Variants in HEATR4 observed in about 807,000 individuals in gnomAD.
The protein encoded by HEATR4 is HEAT repeat-containing protein 4.
Under a neutral mutation model 108.8 loss-of-function variants are expected in HEATR4, and 95 were observed. The observed-to-expected ratio is 0.87, with a 90% CI of 0.74 to 1.04. The LOEUF (loss-of-function observed/expected upper bound fraction) is 1.04. Ranked by LOEUF, HEATR4 falls within the 50% of genes least tolerant of loss-of-function variation. The pLI is 0.00. For missense variants in HEATR4, 1,152 were observed against 1,253.8 expected, an observed-to-expected ratio of 0.92 and a Z score of 1.23; for synonymous variants, 443 against 459.4, an observed-to-expected ratio of 0.96 and a Z score of 0.46.
At chr14:73,542,432 T>C (rs1296420871) in intron 1 of HEATR4, among the ~76,000 whole-genome samples, 1 of 96,844 alleles carries the variant, frequency 1.0e-5, no homozygotes, top group African/African-American at 3.6e-5. Flanking sequence ...TAAGACGGAG[T>C]CTTGCCGTGT....
upstream of HEATR4, among the ~76,000 whole-genome samples, chr14:73,559,747 G>C: frequency 6.6e-6 from 1 of 151,846 alleles, no homozygotes; most frequent in African/African-American, 2.4e-5. Context: ...AGTCTCAAAA[G>C]ATAAAAATAA....
chr14:73,559,156 G>C (rs947016987), upstream of HEATR4, among the ~76,000 whole-genome samples: 2 of 151,650 alleles, frequency 1.3e-5, no homozygotes, highest in African/African-American at 4.8e-5. Context: ...TCTTTTTTGA[G>C]ACAGTCTCAC....
rs1306348907 is a variant in HEATR4 at position 73,509,810 on chromosome 14, CCATATATATATATATATATA to C, written c.1559-357_1559-338del. Among the ~76,000 whole-genome samples, 261 of 63,194 alleles carry C rather than the reference CCATATATATATATATATATA, an allele frequency of 4.1e-3. 31 individuals carry two copies. Among genetic ancestry groups the C allele is most frequent in the East Asian group, 0.016 (33 of 2,084 alleles). The allele number at this position is 63,194 out of a possible 152,430, so 41.5% of individuals were successfully genotyped here. ...AAAGCAACCAATTTGCCCCATGAGCCCATATATATATATATATATATATATATATATATATATATATATAT... is the reference window on the plus strand; with the variant it reads ...AAAGCAACCAATTTGCCCCATGAGCCTATATATATATATATATATATATAT... On this transcript the variant is annotated intron_variant, in intron 7 of 17. Transcript: ENST00000553558.
chr14:73,525,093 G>C (rs527568091), intron 2 of HEATR4, among the ~76,000 whole-genome samples: 16 of 152,102 alleles, frequency 1.1e-4, no homozygotes, highest in Non-Finnish European at 1.9e-4. Flanking sequence ...GCACTGGCAC[G>C]ATCATAGCTC....
the HEATR4 span, among the ~76,000 whole-genome samples, chr14:73,617,628 G>A: frequency 2.0e-5 from 3 of 152,106 alleles, no homozygotes; most frequent in African/African-American, 7.2e-5. Context: ...TCTGAATAAG[G>A]CAGTTACTCT....
At chr14:73,518,695 ATGCACTTTCCCTGTTAGG>A (rs1355102551) in intron 5 of HEATR4, among the ~76,000 whole-genome samples, 1 of 152,100 alleles carries the variant, frequency 6.6e-6, no homozygotes, top group Admixed American at 6.6e-5. Flanking sequence ...CAGGAGTTTG[ATGCACTTTCCCTGTTAGG>A]TGCACTTTCC....
At position 73,539,728 on chromosome 14, in the gene HEATR4, G is replaced by A. The variant is rs1889012194; in HGVS notation, c.-151-9484C>T. 1.7e-5 allele frequency: 2 copies of A among 118,972 alleles called. 1 individual carries two copies. Among genetic ancestry groups the A allele is most frequent in the Non-Finnish European group, 3.7e-5 (2 of 54,334 alleles). The allele number at this position is 118,972 out of a possible 1,614,324, so 7.4% of individuals were successfully genotyped here. A position where few individuals can be genotyped will look rare whatever the true frequency, so the allele number is the denominator to read the frequency against. Reference sequence around the variant, plus strand: ...GCTGAAGCCCCACAGGATGCCGTCTGGAAGCTGCCAGCACGCGGTCCCTGT... The same window carrying A: ...GCTGAAGCCCCACAGGATGCCGTCTAGAAGCTGCCAGCACGCGGTCCCTGT... On this transcript the variant is annotated intron_variant, in intron 1 of 17. Coordinates refer to ENST00000553558, the MANE Select transcript of HEATR4 (RefSeq NM_001220484.1).
intron 16 of HEATR4, 47 bp from the exon 17 acceptor site, chr14:73,493,171 T>G: frequency 6.6e-7 from 1 of 1,515,316 alleles, no homozygotes; most frequent in Non-Finnish European, 9.2e-7. Flanking sequence ...AAAAAAACCC[T>G]TGATCCGTGA....
the HEATR4 span, chr14:73,595,806 T>C: frequency 1.1e-6 from 1 of 940,920 alleles, no homozygotes; most frequent in Non-Finnish European, 1.5e-6. Context: ...AGCTTTGTCG[T>C]TAGTTTTACT....
chr14:73,510,592 C>T (rs535182316), intron 7 of HEATR4, among the ~76,000 whole-genome samples: 4 of 152,206 alleles, frequency 2.6e-5, no homozygotes, highest in Admixed American at 6.5e-5. Flanking sequence ...CCTGTCACCA[C>T]GCCTGGCTAA....
the HEATR4 span, among the ~76,000 whole-genome samples, chr14:73,585,820 CTTTTT>C: frequency 8.7e-6 from 1 of 115,570 alleles, no homozygotes; most frequent in African/African-American, 3.9e-5. Context: ...TTGTCTTTTT[CTTTTT>C]TTTTTTTTTT....
chr14:73,601,781 G>C, the HEATR4 span, among the ~76,000 whole-genome samples: 6,639 of 152,122 alleles, frequency 0.044, 178 homozygotes, highest in Middle Eastern at 0.075. Flanking sequence ...CTCTAATTTA[G>C]GTGCATAGCA....
At chr14:73,592,384 G>T in the HEATR4 span, 3 of 1,554,100 alleles carry the variant, frequency 1.9e-6, no homozygotes, top group Non-Finnish European at 2.6e-6. Flanking sequence ...GTGCGAGCGG[G>T]CCGGGTGCGC....
chr14:73,579,294 A>C, the HEATR4 span, among the ~76,000 whole-genome samples: 6 of 95,044 alleles, frequency 6.3e-5, no homozygotes, highest in South Asian at 7.1e-4. Flanking sequence ...AAAAAAAAAA[A>C]CGCTGGGTGT....
the HEATR4 span, among the ~76,000 whole-genome samples, chr14:73,598,147 G>T: frequency 6.7e-6 from 1 of 148,462 alleles, no homozygotes; most frequent in Non-Finnish European, 1.5e-5. Flanking sequence ...GCCGAGGTGG[G>T]CGGATCATGA....
At position 73,546,575 on chromosome 14, in the gene HEATR4, C is replaced by G. The variant is rs138205601; in HGVS notation, c.-152+12176G>C. On this transcript the variant is annotated intron_variant, in intron 1 of 17. Transcript: ENST00000553558. ...ACAAGGTTTCACCATGTTGTCCAGG[C>G]TGGTCTCAAAACTCCTGGGCTCAAG... 6.4e-3 allele frequency among the ~76,000 whole-genome samples: 727 copies of G among 113,880 alleles called. 167 individuals are homozygous for G. Among genetic ancestry groups the G allele is most frequent in the African/African-American group, 0.019 (664 of 35,286 alleles). The allele number at this position is 113,880 out of a possible 152,430, so 74.7% of individuals were successfully genotyped here. A position where few individuals can be genotyped will look rare whatever the true frequency, so the allele number is the denominator to read the frequency against.
At position 73,498,974 on chromosome 14, in the gene HEATR4, G is replaced by A. The variant is rs7142466; in HGVS notation, c.2356+97C>T. On this transcript the variant is annotated intron_variant, in intron 13 of 17. Transcript: ENST00000553558. ...AAAAGCTAAGATCATTACCTCTCCT[G>A]CACTTCACCCCATTAGAGAGTTTCA... The A allele has an allele frequency of 3.8e-4, 381 of 993,744 alleles. 1 individual carries two copies. In the African/African-American group the frequency reaches 5.2e-3, roughly 14 times the overall value. 61.6% of individuals were successfully genotyped at this position (993,744 alleles called of 1,614,324 possible).
the HEATR4 span, among the ~76,000 whole-genome samples, chr14:73,579,701 A>T: frequency 2.6e-5 from 4 of 151,724 alleles, no homozygotes; most frequent in Admixed American, 2.0e-4. Flanking sequence ...TTACAGGCAT[A>T]CACCACTGCA....
the HEATR4 span, among the ~76,000 whole-genome samples, chr14:73,587,242 G>A: frequency 2.6e-5 from 4 of 151,936 alleles, no homozygotes; most frequent in Non-Finnish European, 2.9e-5. Flanking sequence ...AAGATAGACC[G>A]TTGATTGAGC....
Sources: allele counts gnomAD v4.1 joint callset (sites outside exome capture counted in the v4.1 genomes callset), GRCh38; gene constraint gnomAD v4.1.1; transcripts MANE v1.5; gene names NCBI Gene and HGNC (gene_info 2026-07-23, HGNC 2026-07-21).